Variants in BAZ2B observed in about 807,000 individuals in gnomAD.
The protein encoded by BAZ2B is bromodomain adjacent to zinc finger domain 2B.
BAZ2B carries 91 observed loss-of-function variants against 246.0 expected under a neutral mutation model. The observed-to-expected ratio is 0.37, with a 90% CI of 0.31 to 0.44. The LOEUF is 0.44. BAZ2B is among the 20% of genes least tolerant of loss of function. The pLI is 1.00. For missense variants in BAZ2B, 2,332 were observed against 2,533.7 expected (o/e 0.92, Z 1.71); for synonymous variants, 855 against 860.0 (o/e 0.99, Z 0.10).
At chr2:159,687,855 T>G in the BAZ2B span, among the ~76,000 whole-genome samples, 1 of 152,296 alleles carries the variant, frequency 6.6e-6, no homozygotes, top group African/African-American at 2.4e-5. Flanking sequence ...TGGGGTCTGA[T>G]GCTAACTCTA....
chr2:159,557,557 T>C (rs1225195158), intron 1 of BAZ2B, among the ~76,000 whole-genome samples: 3 of 152,170 alleles, frequency 2.0e-5, no homozygotes, highest in African/African-American at 7.2e-5. Flanking sequence ...CCTGGAGCAA[T>C]TGTTCTCCAT....
At chr2:159,685,569 C>T in the BAZ2B span, among the ~76,000 whole-genome samples, 1 of 151,992 alleles carries the variant, frequency 6.6e-6, no homozygotes, top group Admixed American at 6.6e-5. Context: ...GCAAAAGCAT[C>T]TTGTAGTACC....
rs2149910788 is a variant in BAZ2B, at chr2:159,412,459, T to G, written c.2553A>C (p.Pro851=). 2 of 1,614,144 alleles carry G rather than the reference T, an allele frequency of 1.2e-6. No homozygotes were observed. Among genetic ancestry groups the G allele is most frequent in the South Asian group, 2.2e-5 (2 of 91,084 alleles). ...MEGRRGRPPN[P]DRQRAREESR... is the part of the protein sequence containing the mutation. ...ATTCCTCTCTTGCTCGTTGTCTATC[T>G]GGATTTGGTGGTCTTCCTCTACGAC... The change falls in exon 14 of 37, where the codon CCA becomes CCC. Residue 851 remains proline (P), a synonymous_variant. Transcript: ENST00000392783.
intron 31 of BAZ2B, among the ~76,000 whole-genome samples, chr2:159,344,027 C>CAAAAAAAAAAAAAAA (rs70994297): frequency 2.1e-5 from 2 of 96,910 alleles, no homozygotes; most frequent in Admixed American, 1.2e-4. Flanking sequence ...GACTCCATCT[C>CAAAAAAAAAAAAAAA]AAAAAAAAAA....
the BAZ2B span, among the ~76,000 whole-genome samples, chr2:159,649,956 T>C: frequency 1.3e-5 from 2 of 152,212 alleles, no homozygotes; most frequent in African/African-American, 2.4e-5. Flanking sequence ...TGTTTTCTAT[T>C]GTAATTTCTT....
chr2:159,644,838 C>T, the BAZ2B span, among the ~76,000 whole-genome samples: 3 of 152,166 alleles, frequency 2.0e-5, no homozygotes, highest in Non-Finnish European at 2.9e-5. Flanking sequence ...AAGTTTTGTG[C>T]AGTATGGACA....
At chr2:159,394,535 A>T (rs976654138) in intron 20 of BAZ2B, among the ~76,000 whole-genome samples, 1 of 152,188 alleles carries the variant, frequency 6.6e-6, no homozygotes, top group Non-Finnish European at 1.5e-5. Context: ...AACTTCCATA[A>T]CCTTTAGGAA....
At chr2:159,374,810 AG>A in intron 25 of BAZ2B, 57 bp from the exon 26 acceptor site, 3 of 1,497,340 alleles carry the variant, frequency 2.0e-6, no homozygotes, top group Non-Finnish European at 2.8e-6. Context: ...TTATTCAATC[AG>A]TAAATATTTA....
rs374565619 is a variant in BAZ2B at position 159,393,089 on chromosome 2, G to A, written c.3075+2680C>T. ...TGGAAAAACAGCAATAGTACAGACC[G>A]TTCATTCAGGAATAATAACAAGACA... On this transcript the variant is annotated intron_variant, in intron 20 of 36. Coordinates refer to ENST00000392783, the MANE Select transcript of BAZ2B (RefSeq NM_013450.4). Among the ~76,000 whole-genome samples, 87 of 142,008 alleles carry A rather than the reference G, an allele frequency of 6.1e-4. 3 individuals carry two copies. The South Asian group carries it at 0.019, about 31-fold the overall frequency. The allele number at this position is 142,008 out of a possible 152,430, so 93.2% of individuals were successfully genotyped here.
chr2:159,572,030 T>A (rs1389918597), intron 1 of BAZ2B, among the ~76,000 whole-genome samples: 3 of 152,190 alleles, frequency 2.0e-5, no homozygotes, highest in African/African-American at 7.2e-5. Context: ...CCAGTTTTCA[T>A]CAAGCATGCC....
In BAZ2B at chr2:159,401,058, A is replaced by G. The variant is rs543102425; in HGVS notation, c.2833-394T>C. On this transcript the variant is annotated intron_variant, in intron 16 of 36. Transcript: ENST00000392783. The stretch of plus-strand genomic sequence containing the variant: ...ACTCCGTCTCAAAATAAAAAAAAAA[A>G]AGTACAAAATTACCAAAGGATGGAC... Among the ~76,000 whole-genome samples the G allele has an allele frequency of 1.8e-4, 28 of 152,292 alleles. No homozygotes were observed. In the South Asian group the frequency reaches 5.6e-3, roughly 30 times the overall value.
chr2:159,429,118 T>C lies in BAZ2B; in HGVS notation c.2255+82A>G, dbSNP rs1311492597. ...AGCTATGTACTTCTTCTATTAATTGTAGAGAATGAGAAATCAAGTATACAT... is the reference window on the plus strand; with the variant it reads ...AGCTATGTACTTCTTCTATTAATTGCAGAGAATGAGAAATCAAGTATACAT... On this transcript the variant is annotated intron_variant, in intron 11 of 36. Coordinates refer to ENST00000392783, the MANE Select transcript of BAZ2B (RefSeq NM_013450.4). The C allele has an allele frequency of 6.5e-6, 6 of 927,066 alleles. No homozygotes were observed. In the African/African-American group the frequency reaches 6.7e-5, roughly 10 times the overall value. The allele number at this position is 927,066 out of a possible 1,614,324, so 57.4% of individuals were successfully genotyped here.
chr2:159,448,805 T>A (rs1031171078), intron 4 of BAZ2B, among the ~76,000 whole-genome samples: 1 of 152,194 alleles, frequency 6.6e-6, no homozygotes, highest in African/African-American at 2.4e-5. Context: ...GTTAAGACTT[T>A]CCTCAAATTA....
the BAZ2B span, among the ~76,000 whole-genome samples, chr2:159,699,988 T>C: frequency 2.0e-5 from 3 of 152,130 alleles, no homozygotes; most frequent in African/African-American, 4.8e-5. Flanking sequence ...AAGAAGACAG[T>C]GAACCCACTC....
At chr2:159,410,872 TTAAA>T (rs551527547) in intron 14 of BAZ2B, among the ~76,000 whole-genome samples, 154 of 152,256 alleles carry the variant, frequency 1.0e-3, no homozygotes, top group Non-Finnish European at 1.6e-3. Flanking sequence ...TAGAAGTAGC[TTAAA>T]TAGTCATCAA....
At chr2:159,630,977 T>C in the BAZ2B span, among the ~76,000 whole-genome samples, 2 of 152,130 alleles carry the variant, frequency 1.3e-5, no homozygotes, top group African/African-American at 4.8e-5. Context: ...GAGGATTGCT[T>C]GAGCTCAGGA....
intron 27 of BAZ2B, among the ~76,000 whole-genome samples, chr2:159,354,506 A>G (rs888966846): frequency 1.2e-4 from 19 of 152,056 alleles, no homozygotes; most frequent in African/African-American, 4.6e-4. Flanking sequence ...ACGTGCCACC[A>G]TGACTGGCTA....
At position 159,433,356 on chromosome 2, in the gene BAZ2B, T is replaced by C. The variant is rs1279502765; in HGVS notation, c.1301A>G (p.Tyr434Cys). The C allele has an allele frequency of 5.0e-6, 8 of 1,605,166 alleles. No homozygotes were observed. The East Asian group carries it at 1.3e-4, about 27-fold the overall frequency. The change falls in exon 9 of 37, where the codon TAT (tyrosine) becomes TGT (cysteine). Residue 434 changes from tyrosine to cysteine, a missense_variant. By Grantham distance (194) the Tyr-to-Cys change is radical. Transcript: ENST00000392783. ...TSELRSKREQ[Y>C]KQAFPSQLKK... ...TAACTGTGATGGGAATGCCTGTTTA[T>C]ATTGTTCCTGTTGAAACATAAGTTA... is the stretch of plus-strand genomic sequence containing the variant.
At chr2:159,417,246 C>T (rs965434827) in intron 13 of BAZ2B, among the ~76,000 whole-genome samples, 1 of 151,012 alleles carries the variant, frequency 6.6e-6, no homozygotes, top group Non-Finnish European at 1.5e-5. Flanking sequence ...TCTCAGCTCA[C>T]TGCAACCTCT....
Sources: gnomAD v4.1 joint callset for allele counts (sites outside exome capture counted in the v4.1 genomes callset) on GRCh38, gnomAD v4.1.1 for gene constraint, MANE v1.5 for transcripts, NCBI Gene and HGNC (gene_info 2026-07-23, HGNC 2026-07-21) for gene names.